Variants in GRIK4 observed in about 807,000 individuals in gnomAD.
GRIK4 encodes glutamate ionotropic receptor kainate type subunit 4.
GRIK4 carries 40 observed loss-of-function variants against 104.9 expected under a neutral mutation model. The ratio of observed to expected loss-of-function variants is 0.38; its 90% CI spans 0.30 to 0.50. GRIK4 has a LOEUF of 0.50. Ranked by LOEUF, GRIK4 falls within the 20% of genes least tolerant of loss-of-function variation. GRIK4 has a pLI of 0.93. For missense variants in GRIK4, 1,047 were observed against 1,308.1 expected, an observed-to-expected ratio of 0.80 and a Z score of 3.08; for synonymous variants, 485 against 524.9, an observed-to-expected ratio of 0.92 and a Z score of 1.04.
At position 120,911,843 on chromosome 11, in the gene GRIK4, C is replaced by CAAA. The variant is rs200523419; in HGVS notation, c.1476+6363_1476+6365dup. Among the ~76,000 whole-genome samples, 136 of 125,738 alleles carry CAAA rather than the reference C, an allele frequency of 1.1e-3. 1 individual carries two copies. The highest frequency in any genetic ancestry group is 3.9e-3 in the African/African-American group (131 of 33,464). 82.5% of individuals were successfully genotyped at this position (125,738 alleles called of 152,430 possible). On this transcript the variant is annotated intron_variant, in intron 13 of 20. Transcript: ENST00000527524. ...TGAGTGACAGAGTAAGACTCCATCT[C>CAAA]AAAAAAAAAAAAAAAGAAAAGAAAA... is the stretch of plus-strand genomic sequence containing the variant.
intron 6 of GRIK4, among the ~76,000 whole-genome samples, chr11:120,827,450 C>T (rs576118074): frequency 3.1e-4 from 47 of 152,340 alleles, no homozygotes; most frequent in Admixed American, 5.9e-4. Flanking sequence ...GGCAGGCAGG[C>T]AGGCCTGCTG....
At chr11:120,916,959 T>C (rs753991176) in intron 13 of GRIK4, among the ~76,000 whole-genome samples, 9 of 152,114 alleles carry the variant, frequency 5.9e-5, no homozygotes, top group Non-Finnish European at 1.0e-4. Flanking sequence ...AAAGCCAGGC[T>C]TTCCGGCCAG....
intron 3 of GRIK4, among the ~76,000 whole-genome samples, chr11:120,796,035 A>T (rs1313480317): frequency 1.6e-5 from 2 of 125,452 alleles, no homozygotes; most frequent in South Asian, 2.5e-4. Flanking sequence ...TTTTTCCTGA[A>T]TTTTTTTTTT....
chr11:120,699,522 G>A (rs1161930044), intron 3 of GRIK4, among the ~76,000 whole-genome samples: 2 of 149,932 alleles, frequency 1.3e-5, no homozygotes, highest in Admixed American at 6.7e-5. Flanking sequence ...AATATAAACA[G>A]TAAGTCAGGT....
intron 1 of GRIK4, among the ~76,000 whole-genome samples, chr11:120,559,968 A>G (rs1310432684): frequency 1.3e-5 from 2 of 152,080 alleles, no homozygotes; most frequent in African/African-American, 4.8e-5. Context: ...TCTGTATCTC[A>G]GGAGAAAGTT....
rs368294795 is a variant in GRIK4, at chr11:120,911,225, A to G, written c.1476+5732A>G. ...TAGCTTGGGAGTTAGAAGAAGGTAC[A>G]GATTCCAAAATTCTCTTTTTTTTTT... On this transcript the variant is annotated intron_variant, in intron 13 of 20. Transcript: ENST00000527524. Among the ~76,000 whole-genome samples the G allele has an allele frequency of 3.5e-4, 53 of 151,246 alleles. No homozygotes were observed. The East Asian group carries it at 7.5e-3, about 21-fold the overall frequency.
At chr11:120,618,832 A>G (rs1949147798) in intron 1 of GRIK4, among the ~76,000 whole-genome samples, 1 of 152,124 alleles carries the variant, frequency 6.6e-6, no homozygotes, top group Non-Finnish European at 1.5e-5. Context: ...ATTTTGGAGG[A>G]TGTATGGAAA....
intron 3 of GRIK4, among the ~76,000 whole-genome samples, chr11:120,764,135 G>T (rs1357382958): frequency 6.6e-6 from 1 of 152,118 alleles, no homozygotes; most frequent in Non-Finnish European, 1.5e-5. Context: ...CTCCTGTATT[G>T]GGTGCATATA....
chr11:120,756,923 C>T (rs1951664434), intron 3 of GRIK4, among the ~76,000 whole-genome samples: 1 of 152,210 alleles, frequency 6.6e-6, no homozygotes, highest in Non-Finnish European at 1.5e-5. Context: ...CCCTGCCCAG[C>T]TTGCCTCCTG....
At chr11:120,755,573 A>T (rs906339724) in intron 3 of GRIK4, among the ~76,000 whole-genome samples, 1 of 151,888 alleles carries the variant, frequency 6.6e-6, no homozygotes, top group Non-Finnish European at 1.5e-5. Flanking sequence ...ACACCACTGC[A>T]CTCCACCCTG....
Position 120,696,990 on chromosome 11 carries a change from G to A in GRIK4, c.82+36590G>A, listed in dbSNP as rs115363775. Among the ~76,000 whole-genome samples, 640 of 152,288 alleles carry A rather than the reference G, an allele frequency of 4.2e-3. 6 individuals are homozygous for A. Among genetic ancestry groups the A allele is most frequent in the African/African-American group, 0.015 (606 of 41,552 alleles). On this transcript the variant is annotated intron_variant, in intron 3 of 20. Coordinates refer to ENST00000527524, the MANE Select transcript of GRIK4 (RefSeq NM_014619.5). ...CAGCCAGCCCTTATTCAGTGTCCTC[G>A]TTGCCACACCCCATGACGTTTGTTA...
At chr11:120,802,411 G>C (rs1412001538) in intron 3 of GRIK4, among the ~76,000 whole-genome samples, 1 of 152,190 alleles carries the variant, frequency 6.6e-6, no homozygotes, top group Non-Finnish European at 1.5e-5. Context: ...GCCTGGACCC[G>C]GGGACTTCGT....
intron 1 of GRIK4, among the ~76,000 whole-genome samples, chr11:120,638,742 G>T (rs1302599673): frequency 1.3e-5 from 2 of 151,956 alleles, no homozygotes; most frequent in African/African-American, 2.4e-5. Flanking sequence ...CTCCCAAAGT[G>T]CTGGGATTAC....
chr11:120,887,280 T>C (rs1417957952), intron 11 of GRIK4, among the ~76,000 whole-genome samples: 1 of 152,160 alleles, frequency 6.6e-6, no homozygotes. Flanking sequence ...AGGGAAGCAG[T>C]GCTGCCCGTG....
chr11:120,946,301 G>A lies in GRIK4; in HGVS notation c.1590+5841G>A, dbSNP rs147533204. 3.3e-5 allele frequency among the ~76,000 whole-genome samples: 5 copies of A among 152,156 alleles called. No individual in the cohort carries two copies. The East Asian group carries it at 5.8e-4, about 18-fold the overall frequency. On this transcript the variant is annotated intron_variant, in intron 14 of 20. Coordinates refer to ENST00000527524, the MANE Select transcript of GRIK4 (RefSeq NM_014619.5). ...TTATAGCAAGGCATCATCAGACTGC[G>A]CCAGAAGCCAAACTGGGATTAAGTG...
chr11:120,825,899 C>T (rs969604040), intron 6 of GRIK4, among the ~76,000 whole-genome samples: 2 of 152,154 alleles, frequency 1.3e-5, no homozygotes, highest in Non-Finnish European at 2.9e-5. Context: ...GGCAGTGATA[C>T]CCAAGGCCCT....
At chr11:120,623,466 G>A (rs1565578245) in intron 1 of GRIK4, among the ~76,000 whole-genome samples, 1 of 152,078 alleles carries the variant, frequency 6.6e-6, no homozygotes, top group Non-Finnish European at 1.5e-5. Flanking sequence ...CCATCGGTCT[G>A]TGAACAAGCC....
rs1436020218 is a variant in GRIK4 at position 120,905,119 on chromosome 11, C to T, written c.1273-171C>T. ...CACCTTGAAGGACAGCTTTAAGGAGCACATCAGGGAGAGGAGCTGGTCATC... is the reference window on the plus strand; with the variant it reads ...CACCTTGAAGGACAGCTTTAAGGAGTACATCAGGGAGAGGAGCTGGTCATC... On this transcript the variant is annotated intron_variant, in intron 12 of 20. Transcript: ENST00000527524. This position sits in a 1 kb window ranked among gnomAD's most constrained non-coding sequence, Gnocchi z 5.1. Among the ~76,000 whole-genome samples, 1 of 152,130 alleles carries T rather than the reference C, an allele frequency of 6.6e-6. No homozygotes were observed. Among genetic ancestry groups the T allele is most frequent in the Non-Finnish European group, 1.5e-5 (1 of 68,022 alleles).
intron 13 of GRIK4, among the ~76,000 whole-genome samples, chr11:120,907,643 A>G (rs1363684421): frequency 6.6e-6 from 1 of 152,194 alleles, no homozygotes; most frequent in African/African-American, 2.4e-5. Flanking sequence ...AGTGAGTGAG[A>G]CGGAGATCAA....
Sources: allele counts gnomAD v4.1 joint callset (sites outside exome capture counted in the v4.1 genomes callset), GRCh38; gene constraint gnomAD v4.1.1; non-coding constraint Gnocchi (gnomAD v3.1); transcripts MANE v1.5; gene names NCBI Gene and HGNC (gene_info 2026-07-23, HGNC 2026-07-21).